RBM47: variants seen among roughly 807,000 people sequenced by gnomAD.
RBM47 encodes RNA binding motif protein 47.
Under a neutral mutation model 47.1 loss-of-function variants are expected in RBM47, and 21 were observed. That is an observed-to-expected ratio of 0.45 (90% CI 0.32 to 0.64). The LOEUF (loss-of-function observed/expected upper bound fraction) is 0.64. RBM47 is among the 30% of genes least tolerant of loss of function. The pLI, the probability that RBM47 is intolerant of heterozygous loss-of-function variation, is 0.05. For synonymous variants in RBM47, 375 were observed against 361.7 expected (o/e 1.04, Z -0.42); for missense variants, 708 against 870.9 (o/e 0.81, Z 2.35).
chr4:40,441,735 T>C (rs574146782), intron 3 of RBM47, among the ~76,000 whole-genome samples: 6 of 152,342 alleles, frequency 3.9e-5, no homozygotes, highest in Admixed American at 1.3e-4. Context: ...AGTCTTACAG[T>C]AGTCAGGCTA....
intron 1 of RBM47, among the ~76,000 whole-genome samples, chr4:40,611,975 G>T (rs532895673): frequency 8.0e-4 from 122 of 152,254 alleles, no homozygotes; most frequent in Non-Finnish European, 1.5e-3. Context: ...CAAGACTCAG[G>T]CCTCTTCAGA....
chr4:40,549,099 T>TC lies in RBM47; in HGVS notation c.-239-4594dup, dbSNP rs1185666055. 1.2e-4 allele frequency among the ~76,000 whole-genome samples: 17 copies of TC among 140,988 alleles called. No individual in the cohort carries two copies. In the East Asian group the frequency reaches 3.9e-3, roughly 32 times the overall value. The allele number at this position is 140,988 out of a possible 152,430, so 92.5% of individuals were successfully genotyped here. On this transcript the variant is annotated intron_variant, in intron 1 of 6. Coordinates refer to ENST00000295971, the MANE Select transcript of RBM47 (RefSeq NM_001098634.2). Reference sequence around the variant, plus strand: ...AGCCACACATGACTGTACCTCAGTTTCTTTTTTTTTGGGGGGGGGGACACA... The same window carrying TC: ...AGCCACACATGACTGTACCTCAGTTTCCTTTTTTTTTGGGGGGGGGGACACA...
intron 5 of RBM47, among the ~76,000 whole-genome samples, chr4:40,435,030 A>G (rs58194055): frequency 0.073 from 11,170 of 152,162 alleles, 536 homozygotes; most frequent in African/African-American, 0.13. Context: ...AGACTCACAC[A>G]ATGGAGTTAA....
intron 3 of RBM47, among the ~76,000 whole-genome samples, chr4:40,460,104 G>A (rs931207638): frequency 9.9e-5 from 15 of 152,246 alleles, no homozygotes; most frequent in Non-Finnish European, 2.1e-4. Context: ...ATGTCACATG[G>A]AAAAGCCACA....
At chr4:40,491,398 TGACCTTA>T (rs1437646803) in intron 2 of RBM47, among the ~76,000 whole-genome samples, 1 of 152,200 alleles carries the variant, frequency 6.6e-6, no homozygotes, top group Non-Finnish European at 1.5e-5. Flanking sequence ...TAAATCTTCA[TGACCTTA>T]GCTCAGGTAG....
intron 2 of RBM47, among the ~76,000 whole-genome samples, chr4:40,467,332 C>A (rs1214943584): frequency 6.6e-6 from 1 of 151,968 alleles, no homozygotes; most frequent in Non-Finnish European, 1.5e-5. Flanking sequence ...CTCTGTCGCC[C>A]AGGCTGGAGT....
intron 2 of RBM47, among the ~76,000 whole-genome samples, chr4:40,522,619 C>T (rs1246989630): frequency 6.6e-6 from 1 of 152,074 alleles, no homozygotes; most frequent in South Asian, 2.1e-4. Context: ...CTCCCTTTTC[C>T]AATTGCATAT....
intron 3 of RBM47, among the ~76,000 whole-genome samples, chr4:40,443,851 T>G (rs879867019): frequency 5.3e-5 from 8 of 151,000 alleles, no homozygotes; most frequent in Admixed American, 4.6e-4. Context: ...AAATAAATTA[T>G]ATGGTGTGCT....
chr4:40,572,981 G>A (rs1363031105), intron 1 of RBM47, among the ~76,000 whole-genome samples: 1 of 151,002 alleles, frequency 6.6e-6, no homozygotes. Context: ...GTGAAACCCT[G>A]TCTGCTAAAA....
chr4:40,471,556 G>C (rs369122397), intron 2 of RBM47, among the ~76,000 whole-genome samples: 1 of 151,996 alleles, frequency 6.6e-6, no homozygotes, highest in African/African-American at 2.4e-5. Flanking sequence ...AATTAGCCGG[G>C]TGTGGTGGCA....
At chr4:40,569,651 C>T (rs565600485) in intron 1 of RBM47, among the ~76,000 whole-genome samples, 9 of 151,704 alleles carry the variant, frequency 5.9e-5, no homozygotes, top group Admixed American at 2.6e-4. Context: ...CCTGGTGATC[C>T]GCCCGCCTTG....
chr4:40,480,146 T>C (rs1720187154), intron 2 of RBM47, among the ~76,000 whole-genome samples: 1 of 151,864 alleles, frequency 6.6e-6, no homozygotes, highest in Non-Finnish European at 1.5e-5. Flanking sequence ...CCTGACTAAT[T>C]TTTGTATTTT....
chr4:40,622,055 CTG>C (rs1737317612), intron 1 of RBM47, among the ~76,000 whole-genome samples: 1 of 152,242 alleles, frequency 6.6e-6, no homozygotes, highest in Non-Finnish European at 1.5e-5. Context: ...GTGTAAAAGC[CTG>C]TGTGTCTTAT....
At chr4:40,481,309 G>C (rs1720353000) in intron 2 of RBM47, among the ~76,000 whole-genome samples, 1 of 144,708 alleles carries the variant, frequency 6.9e-6, no homozygotes, top group Non-Finnish European at 1.5e-5. Flanking sequence ...GTCTCACTCT[G>C]TCACCCAGGC....
At chr4:40,477,977 A>G (rs1446831633) in intron 2 of RBM47, among the ~76,000 whole-genome samples, 1 of 151,480 alleles carries the variant, frequency 6.6e-6, no homozygotes, top group Non-Finnish European at 1.5e-5. Flanking sequence ...TCACAGTAGA[A>G]AAGTCATGCC....
At chr4:40,554,997 G>A (rs913376207) in intron 1 of RBM47, among the ~76,000 whole-genome samples, 19 of 152,230 alleles carry the variant, frequency 1.2e-4, no homozygotes, top group African/African-American at 2.2e-4. Context: ...GTGCAATGGC[G>A]CGATCTCGGC....
At chr4:40,431,575 G>T (rs750656496) in intron 6 of RBM47, among the ~76,000 whole-genome samples, 1 of 151,762 alleles carries the variant, frequency 6.6e-6, no homozygotes, top group Non-Finnish European at 1.5e-5. Context: ...GGAGAATGGC[G>T]TGAACCTGGG....
intron 1 of RBM47, among the ~76,000 whole-genome samples, chr4:40,550,217 A>T (rs544947709): frequency 2.8e-4 from 42 of 152,172 alleles, no homozygotes; most frequent in Admixed American, 1.7e-3. Flanking sequence ...ATTACTTTAA[A>T]GTTATAAAAT....
At position 40,438,672 on chromosome 4, in the gene RBM47, G is replaced by A; in HGVS notation, c.222C>T (p.Phe74=). The A allele has an allele frequency of 4.3e-6, 7 of 1,612,128 alleles. No individual in the cohort carries two copies. Among genetic ancestry groups the A allele is most frequent in the Non-Finnish European group, 5.9e-6 (7 of 1,179,062 alleles). The part of the protein sequence containing the change: ...GPHPQRGCEV[F]VGKIPRDVYE... ...ACACGTCGCGCGGGATCTTGCCCAC[G>A]AAGACCTCGCAGCCACGCTGCGGGT... The change falls in exon 4 of 7, where the codon TTC becomes TTT. Residue 74 remains phenylalanine, a synonymous_variant. Coordinates refer to ENST00000295971, the MANE Select transcript of RBM47 (RefSeq NM_001098634.2).
Sources: gnomAD v4.1 joint callset for allele counts (sites outside exome capture counted in the v4.1 genomes callset) on GRCh38, gnomAD v4.1.1 for gene constraint, MANE v1.5 for transcripts, NCBI Gene and HGNC (gene_info 2026-07-23, HGNC 2026-07-21) for gene names.